The following EFNB2 variants were observed in gnomAD, a reference collection of about 807,000 sequenced individuals.
The protein encoded by EFNB2 is ephrin-B2.
In EFNB2, 5 loss-of-function variants were observed where a neutral mutation model predicts 32.1. That is an observed-to-expected ratio of 0.16 (90% CI 0.08 to 0.33). The LOEUF (loss-of-function observed/expected upper bound fraction) is 0.33, where lower values mean the gene tolerates loss of function less well. EFNB2 is among the 10% of genes least tolerant of loss of function. The pLI is 1.00. For missense variants in EFNB2, 263 were observed against 422.6 expected, an observed-to-expected ratio of 0.62 and a Z score of 3.31; for synonymous variants, 168 against 166.5, an observed-to-expected ratio of 1.01 and a Z score of -0.07.
At position 106,491,076 on chromosome 13, in the gene EFNB2, T is replaced by C. The variant is rs1466033558; in HGVS notation, c.*1964A>G. The C allele has an allele frequency of 1.3e-5, 2 of 151,696 alleles. No homozygotes were observed. Among genetic ancestry groups the C allele is most frequent in the African/African-American group, 4.9e-5 (2 of 41,056 alleles). The allele number at this position is 151,696 out of a possible 1,614,324, so 9.4% of individuals were successfully genotyped here. Reference sequence around the variant, plus strand: ...TTCTTGTTTCCCAGAAGGGAGGGGGTGCGGGGGAGGACAGGAGGAGGGAGC... The same window carrying C: ...TTCTTGTTTCCCAGAAGGGAGGGGGCGCGGGGGAGGACAGGAGGAGGGAGC... On this transcript the variant is annotated 3_prime_UTR_variant, in exon 5 of 5. Transcript: ENST00000646441.
At chr13:106,530,829 T>C (rs886498174) in intron 1 of EFNB2, among the ~76,000 whole-genome samples, 1 of 152,174 alleles carries the variant, frequency 6.6e-6, no homozygotes, top group East Asian at 1.9e-4. Context: ...AGGATTTAGT[T>C]GCTCCAGTTG....
chr13:106,528,709 C>T (rs913936385), intron 1 of EFNB2, among the ~76,000 whole-genome samples: 2 of 152,162 alleles, frequency 1.3e-5, no homozygotes, highest in South Asian at 4.1e-4. Flanking sequence ...CTGCATGGAA[C>T]CCAATCGTGG....
rs140605534 is a variant in EFNB2 at position 106,512,260 on chromosome 13, T to C, written c.406+269A>G. ...GTTTTGTCAGTAGAGATGCTGAATATATTCATATAATACATTTATTTCAAT... is the reference window on the plus strand; with the variant it reads ...GTTTTGTCAGTAGAGATGCTGAATACATTCATATAATACATTTATTTCAAT... On this transcript the variant is annotated intron_variant, in intron 2 of 4. Coordinates refer to ENST00000646441, the MANE Select transcript of EFNB2 (RefSeq NM_004093.4). Among the ~76,000 whole-genome samples the C allele has an allele frequency of 9.6e-3, 1,455 of 151,640 alleles. 12 individuals are homozygous for C. The highest frequency in any genetic ancestry group is 0.015 in the Non-Finnish European group (1,027 of 67,922).
intron 1 of EFNB2, among the ~76,000 whole-genome samples, chr13:106,525,205 G>A (rs1879658424): frequency 6.6e-6 from 1 of 152,132 alleles, no homozygotes; most frequent in South Asian, 2.1e-4. Context: ...TTATAGAGAT[G>A]GGACAACTGA....
At position 106,512,584 on chromosome 13, in the gene EFNB2, G is replaced by A. The variant is rs1246487291; in HGVS notation, c.351C>T (p.Phe117=). The A allele has an allele frequency of 6.2e-7, 1 of 1,613,686 alleles. No homozygotes were observed. The highest frequency in any genetic ancestry group is 2.2e-5 in the East Asian group (1 of 44,844). The change falls in exon 2 of 5, where the codon TTC becomes TTT. Residue 117 remains phenylalanine, a synonymous_variant. Transcript: ENST00000646441. ...ATTCTAGACCCCAGAGGTTAGGGCT[G>A]AATTCTTGAAACTTGATGGTGAATT... ...DIKFTIKFQE[F]SPNLWGLEFQ...
At chr13:106,516,456 C>T (rs1879314844) in intron 1 of EFNB2, 1 of 152,306 alleles carries the variant, frequency 6.6e-6, no homozygotes, top group Non-Finnish European at 1.5e-5. Context: ...TTCTTCATTT[C>T]AGCATGACGC....
intron 1 of EFNB2, among the ~76,000 whole-genome samples, chr13:106,522,869 C>T (rs1879572034): frequency 6.6e-6 from 1 of 152,174 alleles, no homozygotes; most frequent in South Asian, 2.1e-4. Flanking sequence ...GACCAGGTAC[C>T]TTGCATAAAT....
At position 106,494,872 on chromosome 13, in the gene EFNB2, C is replaced by T; in HGVS notation, c.613+9G>A. ...CAGACCTCCATACACACAGATCATGCTGTTATACCTGGATTTGGTTTTACA... is the reference window on the plus strand; with the variant it reads ...CAGACCTCCATACACACAGATCATGTTGTTATACCTGGATTTGGTTTTACA... On this transcript the variant is annotated intron_variant, in intron 4 of 4. Coordinates refer to ENST00000646441, the MANE Select transcript of EFNB2 (RefSeq NM_004093.4). 1 of 1,602,790 alleles carries T rather than the reference C, an allele frequency of 6.2e-7. No individual in the cohort carries two copies. Among genetic ancestry groups the T allele is most frequent in the Non-Finnish European group, 8.5e-7 (1 of 1,169,750 alleles).
At chr13:106,530,436 A>G (rs1159527878) in intron 1 of EFNB2, among the ~76,000 whole-genome samples, 1 of 152,176 alleles carries the variant, frequency 6.6e-6, no homozygotes, top group Non-Finnish European at 1.5e-5. Flanking sequence ...ATCTATGTAG[A>G]TGTATATTAA....
chr13:106,527,412 G>C (rs1007371200), intron 1 of EFNB2, among the ~76,000 whole-genome samples: 4 of 152,136 alleles, frequency 2.6e-5, no homozygotes, highest in Admixed American at 2.0e-4. Context: ...TCGTGCTTTA[G>C]AGAATGAAAA....
At position 106,507,375 on chromosome 13, in the gene EFNB2, C is replaced by T. The variant is rs147579364; in HGVS notation, c.406+5154G>A. Among the ~76,000 whole-genome samples, 463 of 152,216 alleles carry T rather than the reference C, an allele frequency of 3.0e-3. 1 individual carries two copies. Among genetic ancestry groups the T allele is most frequent in the African/African-American group, 0.011 (437 of 41,538 alleles). ...TTGCTAAAGAACAGTGCATTCAGTA[C>T]GTTTCAGTACTACTTGCCAAACCTA... On this transcript the variant is annotated intron_variant, in intron 2 of 4. Coordinates refer to ENST00000646441, the MANE Select transcript of EFNB2 (RefSeq NM_004093.4).
intron 2 of EFNB2, among the ~76,000 whole-genome samples, chr13:106,510,413 C>G (rs1159990858): frequency 6.6e-6 from 1 of 152,234 alleles, no homozygotes; most frequent in Non-Finnish European, 1.5e-5. Flanking sequence ...TAAAATTCCA[C>G]TTGCGCCCAG....
At chr13:106,520,777 T>TC in intron 1 of EFNB2, 1 of 152,102 alleles carries the variant, frequency 6.6e-6, no homozygotes, top group Non-Finnish European at 1.5e-5. Flanking sequence ...TTTTCCTTTT[T>TC]TGTGGATAGC....
chr13:106,495,531 T>C (rs565062624), intron 3 of EFNB2, among the ~76,000 whole-genome samples: 57 of 152,068 alleles, frequency 3.7e-4, no homozygotes, highest in Non-Finnish European at 2.9e-4. Flanking sequence ...TCTATGGCAA[T>C]AGACATTCTA....
At chr13:106,527,010 C>T (rs557900445) in intron 1 of EFNB2, among the ~76,000 whole-genome samples, 1 of 152,218 alleles carries the variant, frequency 6.6e-6, no homozygotes, top group African/African-American at 2.4e-5. Context: ...ACACATCCAC[C>T]CCTGCCAAAA....
intron 1 of EFNB2, among the ~76,000 whole-genome samples, chr13:106,528,555 G>C (rs898159508): frequency 1.3e-5 from 2 of 151,940 alleles, no homozygotes; most frequent in African/African-American, 2.4e-5. Flanking sequence ...CATCAAGAAA[G>C]ACACAGGGTG....
intron 2 of EFNB2, among the ~76,000 whole-genome samples, chr13:106,498,417 AT>A (rs907779043): frequency 5.9e-5 from 9 of 151,570 alleles, no homozygotes; most frequent in East Asian, 3.9e-4. Context: ...ACATTATTTG[AT>A]TTTTTTTTCT....
At chr13:106,495,621 C>G in intron 3 of EFNB2, 127 bp downstream of exon 3, 1 of 859,020 alleles carries the variant, frequency 1.2e-6, no homozygotes, top group Non-Finnish European at 1.8e-6. Flanking sequence ...GCTCAAAGTG[C>G]AGAAGGGTTT....
chr13:106,524,367 C>T (rs779604602), intron 1 of EFNB2, among the ~76,000 whole-genome samples: 3 of 152,132 alleles, frequency 2.0e-5, no homozygotes, highest in Non-Finnish European at 4.4e-5. Flanking sequence ...AAAGAGGGAC[C>T]CTGGCCCCAG....
Sources: gnomAD v4.1 joint callset for allele counts (sites outside exome capture counted in the v4.1 genomes callset) on GRCh38, gnomAD v4.1.1 for gene constraint, MANE v1.5 for transcripts, NCBI Gene and HGNC (gene_info 2026-07-23, HGNC 2026-07-21) for gene names.